The following PIEZO2 variants were observed in gnomAD, a reference collection of about 807,000 sequenced individuals.
The protein encoded by PIEZO2 is piezo-type mechanosensitive ion channel component 2.
A neutral mutation model predicts 337.3 loss-of-function variants in PIEZO2; 172 were observed. The observed-to-expected ratio is 0.51, with a 90% CI of 0.45 to 0.58. PIEZO2 has a LOEUF of 0.58. Ranked by LOEUF, PIEZO2 falls within the 20% of genes least tolerant of loss-of-function variation. The probability of loss-of-function intolerance (pLI) is 0.00; values close to 1 mark genes in which losing one functional copy is unlikely to be tolerated. For missense variants in PIEZO2, 3,028 were observed against 3,391.3 expected, an observed-to-expected ratio of 0.89 and a Z score of 2.66; for synonymous variants, 1,251 against 1,228.5, an observed-to-expected ratio of 1.02 and a Z score of -0.38.
intron 4 of PIEZO2, among the ~76,000 whole-genome samples, chr18:10,909,798 G>A (rs1394886543): frequency 1.3e-5 from 2 of 152,112 alleles, no homozygotes; most frequent in Non-Finnish European, 2.9e-5. Flanking sequence ...ACTAAAGCTG[G>A]GCATGACTTT....
rs1375988352 is a variant in PIEZO2 at position 11,143,850 on chromosome 18, C to A, written c.64+4675G>T. 6.6e-6 allele frequency among the ~76,000 whole-genome samples: 1 copy of A among 152,210 alleles called. No homozygotes were observed. Among genetic ancestry groups the A allele is most frequent in the Non-Finnish European group, 1.5e-5 (1 of 68,038 alleles). On this transcript the variant is annotated intron_variant, in intron 1 of 55. Transcript: ENST00000674853. This position sits in a 1 kb window ranked among gnomAD's most constrained non-coding sequence, Gnocchi z 4.9. ...GCTCATCTTCATAAAGGTAAGGCAGCGCCTGCTGTGTGTCAGGCTTTATAC... is the reference window on the plus strand; with the variant it reads ...GCTCATCTTCATAAAGGTAAGGCAGAGCCTGCTGTGTGTCAGGCTTTATAC...
intron 2 of PIEZO2, among the ~76,000 whole-genome samples, chr18:10,984,355 T>C (rs1598782702): frequency 6.6e-6 from 1 of 151,910 alleles, no homozygotes; most frequent in Non-Finnish European, 1.5e-5. Flanking sequence ...TTTTTAAAAA[T>C]ATATTAATAA....
intron 2 of PIEZO2, among the ~76,000 whole-genome samples, chr18:11,049,689 A>G (rs1223112026): frequency 1.3e-5 from 2 of 152,258 alleles, no homozygotes; most frequent in Admixed American, 1.3e-4. Context: ...AAGTCTCAAG[A>G]GATCTGATGA....
chr18:10,822,798 G>A (rs1290159766), intron 7 of PIEZO2, among the ~76,000 whole-genome samples: 1 of 152,208 alleles, frequency 6.6e-6, no homozygotes. Context: ...CTAAAAGGGA[G>A]TATGAACCAA....
intron 2 of PIEZO2, among the ~76,000 whole-genome samples, chr18:11,044,031 TG>T (rs2037214205): frequency 6.6e-6 from 1 of 152,046 alleles, no homozygotes; most frequent in Admixed American, 6.6e-5. Context: ...ATGTTAGTAC[TG>T]ACATTTCCCA....
intron 3 of PIEZO2, among the ~76,000 whole-genome samples, chr18:10,960,871 A>G (rs1302915534): frequency 1.3e-5 from 2 of 152,170 alleles, no homozygotes; most frequent in Non-Finnish European, 2.9e-5. Flanking sequence ...CATTTGGTAG[A>G]AGAGTTCATT....
intron 39 of PIEZO2, 51 bp downstream of exon 39, chr18:10,714,713 C>T: frequency 2.6e-6 from 4 of 1,515,588 alleles, no homozygotes; most frequent in Non-Finnish European, 3.5e-6. Flanking sequence ...TGATGACATC[C>T]ACCTCATTTA....
At chr18:10,720,363 CTGTGTGTGTGTGTGTG>C (rs58927900) in intron 36 of PIEZO2, among the ~76,000 whole-genome samples, 12 of 56,298 alleles carry the variant, frequency 2.1e-4, no homozygotes, top group Non-Finnish European at 2.9e-4. Flanking sequence ...TATATATATT[CTGTGTGTGTGTGTGTG>C]TGTGTGTGTG....
At position 10,684,258 on chromosome 18, in the gene PIEZO2, T is replaced by C. The variant is rs535050830; in HGVS notation, c.7498-1966A>G. 7.8e-3 allele frequency among the ~76,000 whole-genome samples: 1,117 copies of C among 142,984 alleles called. 8 individuals are homozygous for C. Among genetic ancestry groups the C allele is most frequent in the Non-Finnish European group, 0.012 (817 of 66,210 alleles). 93.8% of individuals were successfully genotyped at this position (142,984 alleles called of 152,430 possible). A position where few individuals can be genotyped will look rare whatever the true frequency, so the allele number is the denominator to read the frequency against. On this transcript the variant is annotated intron_variant, in intron 49 of 55. Transcript: ENST00000674853. ...TTGGCTCACTGCAAGCTCCACCTCC[T>C]GGGTTCACGCCATTCTCCTGCCTCA... is the stretch of plus-strand genomic sequence containing the variant.
Position 10,677,672 on chromosome 18 carries a change from G to A in PIEZO2, c.8081+75C>T. 4.7e-6 allele frequency: 7 copies of A among 1,490,430 alleles called. No homozygotes were observed. The highest frequency in any genetic ancestry group is 6.4e-6 in the Non-Finnish European group (7 of 1,095,780). The allele number at this position is 1,490,430 out of a possible 1,614,324, so 92.3% of individuals were successfully genotyped here. A position where few individuals can be genotyped will look rare whatever the true frequency, so the allele number is the denominator to read the frequency against. On this transcript the variant is annotated intron_variant, in intron 53 of 55. Transcript: ENST00000674853. This position sits in a 1 kb window ranked among gnomAD's most constrained non-coding sequence, Gnocchi z 4.1. ...ATGAAGTTGCATTCCTCATACACAT[G>A]AATCTGTAGATGGACATTTTGTACC...
chr18:10,977,603 CT>C (rs1598772565), intron 3 of PIEZO2, among the ~76,000 whole-genome samples: 1 of 152,176 alleles, frequency 6.6e-6, no homozygotes, highest in East Asian at 1.9e-4. Flanking sequence ...AATAAATGCT[CT>C]TTATCAAGAT....
Position 10,894,326 on chromosome 18 carries a change from C to T in PIEZO2, c.329+16860G>A, listed in dbSNP as rs2042836638. On this transcript the variant is annotated intron_variant, in intron 4 of 55. Transcript: ENST00000674853. The surrounding 1 kb of genome is among the most constrained non-coding windows in gnomAD (Gnocchi z 4.1). The stretch of plus-strand genomic sequence containing the variant: ...AAAAACAGCCAGGCGTGGTGGTGGA[C>T]GCCTGTAATCCCAACTACTTGGGAG... Among the ~76,000 whole-genome samples the T allele has an allele frequency of 6.6e-6, 1 of 151,982 alleles. No individual in the cohort carries two copies. Among genetic ancestry groups the T allele is most frequent in the East Asian group, 1.9e-4 (1 of 5,186 alleles).
chr18:10,789,167 A>T lies in PIEZO2; in HGVS notation c.2081T>A (p.Met694Lys). Residue 694 changes from methionine (M) to lysine (K), a missense_variant, in exon 15 of 56, where the codon ATG becomes AAG. Around this residue, in one of 5 missense-constraint regions of PIEZO2, gnomAD observed 1,925 missense variants for 2,051.9 expected, o/e 0.94. Transcript: ENST00000674853. ...IKYWIYVCGG[M>K]FFFVSFEGKI... ...ACCCTCGAAGCTGACGAAGAAGAAC[A>T]TGCCTCCGCAGACGTAGATCCAGTA... The T allele has an allele frequency of 6.5e-7, 1 of 1,537,282 alleles. No homozygotes were observed. The highest frequency in any genetic ancestry group is 8.7e-7 in the Non-Finnish European group (1 of 1,146,920).
intron 54 of PIEZO2, 42 bp downstream of exon 54, chr18:10,675,167 A>G (rs1334057678): frequency 7.4e-7 from 1 of 1,346,982 alleles, no homozygotes; most frequent in Admixed American, 2.1e-5. Context: ...GAATAAAACT[A>G]GGATTGAAAA....
intron 3 of PIEZO2, among the ~76,000 whole-genome samples, chr18:10,977,769 C>CTTGACAA (rs2034501100): frequency 6.6e-6 from 1 of 152,136 alleles, no homozygotes; most frequent in Non-Finnish European, 1.5e-5. Context: ...CATGCTACAA[C>CTTGACAA]ATTGACAAAT....
At chr18:10,981,537 A>C (rs186350400) in intron 2 of PIEZO2, among the ~76,000 whole-genome samples, 2 of 152,346 alleles carry the variant, frequency 1.3e-5, no homozygotes, top group Admixed American at 1.3e-4. Context: ...CAGGCATGAT[A>C]ATACTCATGG....
At chr18:11,091,362 C>T (rs1386090105) in intron 1 of PIEZO2, among the ~76,000 whole-genome samples, 4 of 114,464 alleles carry the variant, frequency 3.5e-5, no homozygotes, top group African/African-American at 1.4e-4. Flanking sequence ...CCAGCCTGGG[C>T]AACACAGCAA....
chr18:10,739,546 A>G (rs2037136157), intron 33 of PIEZO2: 1 of 152,224 alleles, frequency 6.6e-6, no homozygotes, highest in Non-Finnish European at 1.5e-5. Flanking sequence ...TTTGAAATGG[A>G]TAGGTCTCTC....
In PIEZO2 at chr18:10,761,022, G is replaced by T. The variant is rs1012685837; in HGVS notation, c.3339C>A (p.Ala1113=). 5 of 1,536,574 alleles carry T rather than the reference G, an allele frequency of 3.3e-6. No homozygotes were observed. The African/African-American group carries it at 6.8e-5, about 21-fold the overall frequency. The change falls in exon 24 of 56, where the codon GCC becomes GCA. Residue 1113 remains alanine (A), a synonymous_variant. Transcript: ENST00000674853. ...CATGAAAGATAGTTCTAGACACAGG[G>T]GCCGTCAGGTTATTTCGACCTCGAT... is the stretch of plus-strand genomic sequence containing the variant. ...EYYRGRNNLT[A]PVSRTIFHDI...
Sources: gnomAD v4.1 joint callset for allele counts (sites outside exome capture counted in the v4.1 genomes callset) on GRCh38, gnomAD v4.1.1 for gene constraint, gnomAD v4.1.1 regional missense constraint, Gnocchi (gnomAD v3.1) non-coding constraint, MANE v1.5 for transcripts, NCBI Gene and HGNC (gene_info 2026-07-23, HGNC 2026-07-21) for gene names.